Variants in SIPA1L1 observed in about 807,000 individuals in gnomAD.
SIPA1L1 encodes the protein signal induced proliferation associated 1 like 1.
Under a neutral mutation model 162.7 loss-of-function variants are expected in SIPA1L1, and 26 were observed. That is an observed-to-expected ratio of 0.16 (90% CI 0.12 to 0.22). SIPA1L1 has a LOEUF of 0.22. Among genes scored for constraint, SIPA1L1 ranks in the 10% least tolerant of loss-of-function variants. The probability of loss-of-function intolerance (pLI) is 1.00; values close to 1 mark genes in which losing one functional copy is unlikely to be tolerated. For synonymous variants in SIPA1L1, 829 were observed against 837.4 expected (o/e 0.99, Z 0.17); for missense variants, 1,874 against 2,241.0 (o/e 0.84, Z 3.31).
At chr14:71,579,451 TGAGGACTGAAGGA>T (rs2033603790) in intron 4 of SIPA1L1, among the ~76,000 whole-genome samples, 1 of 152,088 alleles carries the variant, frequency 6.6e-6, no homozygotes, top group Non-Finnish European at 1.5e-5. Flanking sequence ...GGGGTGCTGG[TGAGGACTGAAGGA>T]GAGGAATGAG....
intron 2 of SIPA1L1, among the ~76,000 whole-genome samples, chr14:71,421,760 C>T (rs75226431): frequency 9.9e-5 from 15 of 151,952 alleles, no homozygotes; most frequent in African/African-American, 2.9e-4. Context: ...ATTGGAGATG[C>T]AATTACCTGG....
intron 6 of SIPA1L1, among the ~76,000 whole-genome samples, chr14:71,622,416 C>A (rs1200147083): frequency 6.6e-6 from 1 of 152,132 alleles, no homozygotes; most frequent in Non-Finnish European, 1.5e-5. Context: ...ATGAGCCATT[C>A]TTTTTCTCAT....
intron 4 of SIPA1L1, among the ~76,000 whole-genome samples, chr14:71,558,907 C>T (rs948936535): frequency 5.3e-5 from 8 of 152,142 alleles, no homozygotes; most frequent in Non-Finnish European, 7.3e-5. Context: ...TGATCTCAAG[C>T]TCCTGGCCTC....
chr14:71,680,244 A>G (rs2149491118), intron 12 of SIPA1L1, among the ~76,000 whole-genome samples: 1 of 152,350 alleles, frequency 6.6e-6, no homozygotes, highest in Non-Finnish European at 1.5e-5. Context: ...CCACAGTGCA[A>G]TCAAACTAGA....
chr14:71,660,952 A>T (rs555491078), intron 9 of SIPA1L1, among the ~76,000 whole-genome samples: 1 of 152,206 alleles, frequency 6.6e-6, no homozygotes, highest in Non-Finnish European at 1.5e-5. Context: ...TATTTCAGCC[A>T]TTCTCATCTC....
At chr14:71,435,096 G>T (rs566044070) in intron 2 of SIPA1L1, among the ~76,000 whole-genome samples, 1 of 152,002 alleles carries the variant, frequency 6.6e-6, no homozygotes, top group Non-Finnish European at 1.5e-5. Context: ...GAATATATTC[G>T]TATCTTTATT....
At chr14:71,407,057 A>G (rs774433596) in intron 2 of SIPA1L1, among the ~76,000 whole-genome samples, 1 of 152,060 alleles carries the variant, frequency 6.6e-6, no homozygotes, top group Non-Finnish European at 1.5e-5. Context: ...GCCTGGCCAA[A>G]ATGGAGAAAC....
At chr14:71,667,027 A>G (rs1011860247) in intron 10 of SIPA1L1, among the ~76,000 whole-genome samples, 10 of 152,174 alleles carry the variant, frequency 6.6e-5, no homozygotes, top group African/African-American at 2.2e-4. Flanking sequence ...CTAAGACAAG[A>G]ATCTGATTAT....
chr14:71,420,246 C>T (rs1197272558), intron 2 of SIPA1L1, among the ~76,000 whole-genome samples: 2 of 152,098 alleles, frequency 1.3e-5, no homozygotes, highest in Non-Finnish European at 2.9e-5. Flanking sequence ...GAGAATTAGA[C>T]ATAGTTGGAA....
Position 71,627,669 on chromosome 14 carries a change from T to C in SIPA1L1, c.1818+3433T>C, listed in dbSNP as rs1262829665. On this transcript the variant is annotated intron_variant, in intron 7 of 23. Transcript: ENST00000381232. Reference sequence around the variant, plus strand: ...CATATTTCATTTTACTATGTTCTAATCACTTTACTGGCATAATCTGATTTA... The same window carrying C: ...CATATTTCATTTTACTATGTTCTAACCACTTTACTGGCATAATCTGATTTA... Among the ~76,000 whole-genome samples, 16 of 152,212 alleles carry C rather than the reference T, an allele frequency of 1.1e-4. 1 individual carries two copies. Among genetic ancestry groups the C allele is most frequent in the Admixed American group, 1.0e-3 (16 of 15,282 alleles).
chr14:71,688,701 C>G (rs1235374593), intron 13 of SIPA1L1, among the ~76,000 whole-genome samples: 1 of 152,162 alleles, frequency 6.6e-6, no homozygotes, highest in East Asian at 1.9e-4. Flanking sequence ...GTGCCATTTA[C>G]AATTTGTACC....
intron 4 of SIPA1L1, among the ~76,000 whole-genome samples, chr14:71,537,099 A>G (rs1303852505): frequency 6.6e-6 from 1 of 152,194 alleles, no homozygotes; most frequent in Non-Finnish European, 1.5e-5. Flanking sequence ...CACAGCCCTA[A>G]TGGTAGTGAC....
chr14:71,576,011 T>C (rs2032967073), intron 4 of SIPA1L1, among the ~76,000 whole-genome samples: 1 of 152,232 alleles, frequency 6.6e-6, no homozygotes, highest in Non-Finnish European at 1.5e-5. Flanking sequence ...TGATAATTTA[T>C]CAGTTAATTT....
intron 2 of SIPA1L1, among the ~76,000 whole-genome samples, chr14:71,355,218 T>G (rs1346716413): frequency 6.6e-6 from 1 of 152,258 alleles, no homozygotes; most frequent in African/African-American, 2.4e-5. Flanking sequence ...TATTAACCGC[T>G]GATTACTTTT....
intron 2 of SIPA1L1, among the ~76,000 whole-genome samples, chr14:71,477,815 C>T (rs1379647363): frequency 1.3e-5 from 2 of 151,508 alleles, no homozygotes; most frequent in Admixed American, 6.6e-5. Flanking sequence ...CTACTGTGAA[C>T]ATTTGTGTTT....
chr14:71,335,626 A>G (rs1437283280), intron 2 of SIPA1L1, among the ~76,000 whole-genome samples: 1 of 152,228 alleles, frequency 6.6e-6, no homozygotes, highest in Non-Finnish European at 1.5e-5. Flanking sequence ...TCAGGGAGGT[A>G]GGAACCATGT....
rs1162332661 is a variant in SIPA1L1, at chr14:71,588,568, C to T, written c.696C>T (p.Asp232=). 3.1e-6 allele frequency: 5 copies of T among 1,613,914 alleles called. No homozygotes were observed. The highest frequency in any genetic ancestry group is 1.7e-5 in the Admixed American group (1 of 59,986). ...ATTTGTTAAAGGGCTACAAAGATGA[C>T]AAATCTGATCGAGGTCCAACTCCAA... ...FFDLLKGYKD[D]KSDRGPTPTK... is the part of the protein sequence containing the mutation. The change falls in exon 5 of 24, where the codon GAC becomes GAT. Residue 232 remains aspartate (D), a synonymous_variant. Coordinates refer to ENST00000381232, the MANE Select transcript of SIPA1L1 (RefSeq NM_001386936.1). This position sits in a 1 kb window ranked among gnomAD's most constrained non-coding sequence, Gnocchi z 4.3.
chr14:71,513,707 G>T (rs1034603872), intron 3 of SIPA1L1, among the ~76,000 whole-genome samples: 2 of 152,044 alleles, frequency 1.3e-5, no homozygotes, highest in East Asian at 3.9e-4. Context: ...TGCCTAGGCT[G>T]GTCTCAAACA....
chr14:71,366,204 G>A (rs2038279399), intron 2 of SIPA1L1, among the ~76,000 whole-genome samples: 1 of 152,124 alleles, frequency 6.6e-6, no homozygotes, highest in South Asian at 2.1e-4. Context: ...CTGTTGTGGA[G>A]TTTGACTTAT....
Sources: allele counts gnomAD v4.1 joint callset (sites outside exome capture counted in the v4.1 genomes callset), GRCh38; gene constraint gnomAD v4.1.1; non-coding constraint Gnocchi (gnomAD v3.1); transcripts MANE v1.5; gene names NCBI Gene and HGNC (gene_info 2026-07-23, HGNC 2026-07-21).